FHIT: variants seen among roughly 807,000 people sequenced by gnomAD.
FHIT encodes the protein fragile histidine triad diadenosine triphosphatase, also known as bis(5'-adenosyl)-triphosphatase.
Under a neutral mutation model 17.9 loss-of-function variants are expected in FHIT, and 19 were observed. That is an observed-to-expected ratio of 1.06 (90% CI 0.74 to 1.56). FHIT has a LOEUF of 1.56. Ranked by LOEUF, FHIT falls within the 40% of genes most tolerant of loss-of-function variation. The pLI, the probability that FHIT is intolerant of heterozygous loss-of-function variation, is 0.00. For synonymous variants in FHIT, 81 were observed against 69.7 expected (o/e 1.16, Z -0.81); for missense variants, 248 against 189.2 (o/e 1.31, Z -1.82).
At chr3:60,519,966 G>A (rs2035298962) in intron 5 of FHIT, among the ~76,000 whole-genome samples, 1 of 152,084 alleles carries the variant, frequency 6.6e-6, no homozygotes, top group Admixed American at 6.5e-5. Context: ...CAACACTTGA[G>A]CTCACCCCAA....
chr3:60,037,586 T>G (rs1701271997), intron 5 of FHIT, among the ~76,000 whole-genome samples: 1 of 152,068 alleles, frequency 6.6e-6, no homozygotes, highest in South Asian at 2.1e-4. Context: ...TTCACCATGA[T>G]GGCCAGCCTG....
rs567684616 is a variant in FHIT, at chr3:60,732,084, G to A, written c.-18+89835C>T. ...ATACTGCGAGCAAATGGGGTGGAGG[G>A]GTAGTCTCCTGAGCTACAGAAGGAA... On this transcript the variant is annotated intron_variant, in intron 4 of 9. Coordinates refer to ENST00000492590, the MANE Select transcript of FHIT (RefSeq NM_002012.4). 8 of 600,826 alleles carry A rather than the reference G, an allele frequency of 1.3e-5. No homozygotes were observed. The African/African-American group carries it at 1.5e-4, about 11-fold the overall frequency. The allele number at this position is 600,826 out of a possible 1,614,324, so 37.2% of individuals were successfully genotyped here.
chr3:60,149,392 G>T (rs1700367025), intron 5 of FHIT, among the ~76,000 whole-genome samples: 1 of 151,902 alleles, frequency 6.6e-6, no homozygotes, highest in South Asian at 2.1e-4. Context: ...AAAACAAAAG[G>T]GTAATTCTTC....
chr3:60,130,807 ATG>A (rs1333160460), intron 5 of FHIT, among the ~76,000 whole-genome samples: 1 of 97,302 alleles, frequency 1.0e-5, no homozygotes, highest in African/African-American at 4.0e-5. Context: ...ACACATATAT[ATG>A]TGTGTATGTG....
chr3:61,003,367 A>T (rs2031228203), intron 3 of FHIT, among the ~76,000 whole-genome samples: 1 of 152,230 alleles, frequency 6.6e-6, no homozygotes, highest in Non-Finnish European at 1.5e-5. Flanking sequence ...TTCTTTTACA[A>T]ATTAGACTTT....
intron 3 of FHIT, among the ~76,000 whole-genome samples, chr3:60,870,320 T>C (rs1407310325): frequency 1.3e-5 from 2 of 151,884 alleles, no homozygotes; most frequent in Non-Finnish European, 2.9e-5. Flanking sequence ...TATTAACATG[T>C]TTATGGGTAG....
At chr3:61,014,806 A>ATT (rs1425224966) in intron 3 of FHIT, among the ~76,000 whole-genome samples, 5 of 107,872 alleles carry the variant, frequency 4.6e-5, no homozygotes, top group African/African-American at 1.3e-4. Context: ...AAAAAAAAAA[A>ATT]AATATATATA....
intron 5 of FHIT, among the ~76,000 whole-genome samples, chr3:60,451,485 T>C (rs965276540): frequency 6.6e-6 from 1 of 152,094 alleles, no homozygotes; most frequent in Non-Finnish European, 1.5e-5. Flanking sequence ...TCCAGAAAAC[T>C]GATACTAGAA....
intron 5 of FHIT, among the ~76,000 whole-genome samples, chr3:60,054,286 C>T (rs9311746): frequency 0.51 from 77,971 of 152,022 alleles, 20,324 homozygotes; most frequent in Middle Eastern, 0.73. Context: ...GAGTGTAAAA[C>T]TATTTTCAAG....
chr3:60,820,966 C>T (rs1701905359), intron 4 of FHIT, among the ~76,000 whole-genome samples: 1 of 150,276 alleles, frequency 6.7e-6, no homozygotes, highest in South Asian at 2.1e-4. Flanking sequence ...TACTTTCTTG[C>T]TATTATTATT....
chr3:60,888,261 A>G (rs1388524165), intron 3 of FHIT, among the ~76,000 whole-genome samples: 30 of 152,198 alleles, frequency 2.0e-4, no homozygotes, highest in Admixed American at 1.9e-3. Context: ...ACTCCATTCA[A>G]TGCCTAAGGT....
At chr3:60,424,602 C>A (rs1232258293) in intron 5 of FHIT, among the ~76,000 whole-genome samples, 1 of 151,924 alleles carries the variant, frequency 6.6e-6, no homozygotes, top group Non-Finnish European at 1.5e-5. Flanking sequence ...TTCACACCCA[C>A]ACACACACAA....
chr3:59,882,540 A>G (rs1335586980), intron 8 of FHIT, among the ~76,000 whole-genome samples: 1 of 152,162 alleles, frequency 6.6e-6, no homozygotes, highest in East Asian at 1.9e-4. Context: ...CTTTAATTAC[A>G]TTATCTCAAT....
At chr3:59,808,553 C>A (rs757353524) in intron 8 of FHIT, among the ~76,000 whole-genome samples, 4 of 152,200 alleles carry the variant, frequency 2.6e-5, no homozygotes, top group Non-Finnish European at 5.9e-5. Context: ...CTCCTCCCAC[C>A]TCCGGGTCTG....
intron 3 of FHIT, among the ~76,000 whole-genome samples, chr3:60,916,740 G>A (rs908694075): frequency 2.6e-5 from 4 of 152,030 alleles, no homozygotes; most frequent in South Asian, 2.1e-4. Flanking sequence ...CAGCATTCTC[G>A]CCAAGTGTCA....
chr3:59,955,312 G>T (rs1707337638), intron 7 of FHIT, among the ~76,000 whole-genome samples: 1 of 152,166 alleles, frequency 6.6e-6, no homozygotes, highest in Non-Finnish European at 1.5e-5. Flanking sequence ...TCCTGGGATA[G>T]CCTTCTTTCC....
At chr3:60,200,039 C>T (rs887151474) in intron 5 of FHIT, among the ~76,000 whole-genome samples, 3 of 152,092 alleles carry the variant, frequency 2.0e-5, no homozygotes, top group Non-Finnish European at 4.4e-5. Context: ...CTGTGTGATT[C>T]AGAAGAGGGT....
At chr3:60,826,403 T>TGCAATCTCTGCCTCCCA in intron 3 of FHIT, among the ~76,000 whole-genome samples, 1 of 152,314 alleles carries the variant, frequency 6.6e-6, no homozygotes, top group South Asian at 2.1e-4. Flanking sequence ...CTCGGCTCAC[T>TGCAATCTCTGCCTCCCA]GCAATCTCTG....
chr3:59,957,365 C>G (rs1028498800), intron 7 of FHIT, among the ~76,000 whole-genome samples: 1 of 152,228 alleles, frequency 6.6e-6, no homozygotes, highest in Non-Finnish European at 1.5e-5. Flanking sequence ...CAAGAGGGGC[C>G]TCAGGGGAAA....
Sources: allele counts gnomAD v4.1 joint callset (sites outside exome capture counted in the v4.1 genomes callset), GRCh38; gene constraint gnomAD v4.1.1; transcripts MANE v1.5; gene names NCBI Gene and HGNC (gene_info 2026-07-23, HGNC 2026-07-21).